Variants in ZNF462 observed in about 807,000 individuals in gnomAD.
ZNF462 encodes zinc finger protein 462, also known as zinc finger PBX1-interacting protein.
ZNF462 carries 10 observed loss-of-function variants against 201.9 expected under a neutral mutation model. The observed-to-expected ratio is 0.05, with a 90% CI of 0.03 to 0.08. The LOEUF (loss-of-function observed/expected upper bound fraction) is 0.08, where lower values mean the gene tolerates loss of function less well. Among genes scored for constraint, ZNF462 ranks in the 10% least tolerant of loss-of-function variants. The pLI is 1.00. For missense variants in ZNF462, 2,523 were observed against 3,168.3 expected (o/e 0.80, Z 4.89); for synonymous variants, 1,227 against 1,193.3 (o/e 1.03, Z -0.58).
At chr9:106,884,055 A>C (rs1828214010) in intron 1 of ZNF462, among the ~76,000 whole-genome samples, 1 of 152,218 alleles carries the variant, frequency 6.6e-6, no homozygotes, top group South Asian at 2.1e-4. Flanking sequence ...TTTCTAAATC[A>C]CCATAAACTT....
In ZNF462 at chr9:106,930,403, C is replaced by T. The variant is rs1401387546; in HGVS notation, c.5848-122C>T. Reference sequence around the variant, plus strand: ...GTTATATAAAAATACTCGCCTATATCTCCCTTGGTTTTTAACCTGCTAATC... The same window carrying T: ...GTTATATAAAAATACTCGCCTATATTTCCCTTGGTTTTTAACCTGCTAATC... On this transcript the variant is annotated intron_variant, in intron 3 of 12. Coordinates refer to ENST00000277225, the MANE Select transcript of ZNF462 (RefSeq NM_021224.6). The surrounding 1 kb of genome is among the most constrained non-coding windows in gnomAD (Gnocchi z 5.8). 3.1e-6 allele frequency: 4 copies of T among 1,274,778 alleles called. No homozygotes were observed. The African/African-American group carries it at 6.0e-5, about 19-fold the overall frequency. The allele number at this position is 1,274,778 out of a possible 1,614,324, so 79.0% of individuals were successfully genotyped here. A position where few individuals can be genotyped will look rare whatever the true frequency, so the allele number is the denominator to read the frequency against.
At chr9:106,945,196 A>G (rs1319812611) in intron 7 of ZNF462, among the ~76,000 whole-genome samples, 1 of 152,198 alleles carries the variant, frequency 6.6e-6, no homozygotes, top group African/African-American at 2.4e-5. Context: ...TTAGATTCAT[A>G]TATGAAATGT....
intron 7 of ZNF462, among the ~76,000 whole-genome samples, chr9:106,959,411 C>T (rs982393612): frequency 1.3e-5 from 2 of 152,108 alleles, no homozygotes; most frequent in Admixed American, 1.3e-4. Context: ...TCCATAAACA[C>T]TTACTTGGTG....
In ZNF462 at chr9:106,866,928, T is replaced by C. The variant is rs537217175; in HGVS notation, c.-31+3573T>C. On this transcript the variant is annotated intron_variant, in intron 1 of 12. Coordinates refer to ENST00000277225, the MANE Select transcript of ZNF462 (RefSeq NM_021224.6). ...TTCATGATATCTTTTTTTATTGTTA[T>C]TGATAGCAGGACAATTGGTTCATTT... Among the ~76,000 whole-genome samples, 5 of 152,348 alleles carry C rather than the reference T, an allele frequency of 3.3e-5. 1 individual carries two copies. Among genetic ancestry groups the C allele is most frequent in the African/African-American group, 9.6e-5 (4 of 41,590 alleles).
In ZNF462 at chr9:106,930,355, C is replaced by T. The variant is rs914469706; in HGVS notation, c.5848-170C>T. ...TTCAAAGACTTTGCATAGTAGGCAG[C>T]GTGCCATGATGCTGACAAATTTGTT... On this transcript the variant is annotated intron_variant, in intron 3 of 12. Transcript: ENST00000277225. This position sits in a 1 kb window ranked among gnomAD's most constrained non-coding sequence, Gnocchi z 5.8. Among the ~76,000 whole-genome samples, 5 of 152,158 alleles carry T rather than the reference C, an allele frequency of 3.3e-5. No homozygotes were observed. Among genetic ancestry groups the T allele is most frequent in the African/African-American group, 9.7e-5 (4 of 41,426 alleles).
Position 107,011,508 on chromosome 9 carries a change from GA to G in ZNF462, c.*482del, listed in dbSNP as rs990268313. ...AAAAAAAAACAAAAAACAAAAAACA[GA>G]AAACAAAAAAAAAAAAACTGCTTTG... On this transcript the variant is annotated 3_prime_UTR_variant, in exon 13 of 13. Transcript: ENST00000277225. The surrounding 1 kb of genome is among the most constrained non-coding windows in gnomAD (Gnocchi z 5.6). 26 of 142,590 alleles carry G rather than the reference GA, an allele frequency of 1.8e-4. No homozygotes were observed. Among genetic ancestry groups the G allele is most frequent in the African/African-American group, 7.0e-4 (25 of 35,758 alleles). 8.8% of individuals were successfully genotyped at this position (142,590 alleles called of 1,614,324 possible). A position where few individuals can be genotyped will look rare whatever the true frequency, so the allele number is the denominator to read the frequency against.
intron 7 of ZNF462, among the ~76,000 whole-genome samples, chr9:106,955,315 G>T (rs1375802881): frequency 6.6e-6 from 1 of 152,104 alleles, no homozygotes; most frequent in African/African-American, 2.4e-5. Flanking sequence ...TAAAAGTCAT[G>T]TTTACACTAT....
intron 9 of ZNF462, chr9:106,975,806 C>G (rs561232834): frequency 6.6e-6 from 1 of 152,318 alleles, no homozygotes; most frequent in East Asian, 1.9e-4. Context: ...TGATGCCTAA[C>G]AAGCTCAATG....
rs574660015 is a variant in ZNF462, at chr9:106,999,951, C to T, written c.7057-3343C>T. Among the ~76,000 whole-genome samples the T allele has an allele frequency of 3.9e-5, 6 of 152,130 alleles. No homozygotes were observed. In the East Asian group the frequency reaches 7.8e-4, roughly 20 times the overall value. The stretch of plus-strand genomic sequence containing the variant: ...GTAGTTGGACTGGGGAGGGGCAGGC[C>T]ATAAACAATTCATTACTGAATGGGG... On this transcript the variant is annotated intron_variant, in intron 10 of 12. Transcript: ENST00000277225.
intron 10 of ZNF462, among the ~76,000 whole-genome samples, chr9:106,989,643 G>A (rs1828115554): frequency 6.6e-6 from 1 of 152,032 alleles, no homozygotes; most frequent in African/African-American, 2.4e-5. Context: ...AATTCTGGTA[G>A]AATTCTGCTG....
chr9:106,884,566 C>T (rs1367589010), intron 1 of ZNF462, among the ~76,000 whole-genome samples: 1 of 152,070 alleles, frequency 6.6e-6, no homozygotes, highest in Non-Finnish European at 1.5e-5. Flanking sequence ...TCCCCTTCCT[C>T]CCACCATGGA....
At chr9:106,884,376 G>T (rs866953533) in intron 1 of ZNF462, among the ~76,000 whole-genome samples, 1 of 152,164 alleles carries the variant, frequency 6.6e-6, no homozygotes, top group South Asian at 2.1e-4. Flanking sequence ...TTGAGCTATG[G>T]AATAGGCTTT....
intron 1 of ZNF462, among the ~76,000 whole-genome samples, chr9:106,866,057 G>T (rs1827316430): frequency 1.3e-5 from 2 of 152,182 alleles, no homozygotes; most frequent in African/African-American, 4.8e-5. Context: ...GGTGAGGAGG[G>T]CTCCACGGTG....
rs1830127948 is a variant in ZNF462, at chr9:106,924,888, A to C, written c.976A>C (p.Asn326His). Residue 326 changes from asparagine (N) to histidine (H), a missense_variant, in exon 3 of 13, where the codon AAC becomes CAC. Asn to His is a moderately conservative substitution (Grantham distance 68). Transcript: ENST00000277225. The surrounding 1 kb of genome is among the most constrained non-coding windows in gnomAD (Gnocchi z 6.2). ...CTCCAACTTCAGGGGCTCCATGGGC[A>C]ACTCCATCATGAGACCCAATTCTTC... is the stretch of plus-strand genomic sequence containing the variant. ...TVSNFRGSMG[N>H]SIMRPNSSAS... is the part of the protein sequence containing the mutation. The C allele has an allele frequency of 6.2e-7, 1 of 1,614,090 alleles. No individual in the cohort carries two copies. Among genetic ancestry groups the C allele is most frequent in the African/African-American group, 1.3e-5 (1 of 74,922 alleles).
chr9:106,904,978 G>C (rs923168251), intron 1 of ZNF462, among the ~76,000 whole-genome samples: 5 of 151,874 alleles, frequency 3.3e-5, no homozygotes, highest in Admixed American at 6.6e-5. Context: ...ATTTTTTTGT[G>C]GGGGGGTGTT....
chr9:106,931,682 A>C (rs543165464), intron 4 of ZNF462, among the ~76,000 whole-genome samples: 2 of 152,300 alleles, frequency 1.3e-5, no homozygotes, highest in East Asian at 3.9e-4. Flanking sequence ...CAGTAACCCA[A>C]GGAGCTATCT....
chr9:106,937,172 C>T (rs996877412), intron 6 of ZNF462, among the ~76,000 whole-genome samples: 1 of 152,072 alleles, frequency 6.6e-6, no homozygotes, highest in Admixed American at 6.5e-5. Context: ...TCGTGCAACT[C>T]ACAGCCACCA....
rs773917122 is a variant in ZNF462 at position 106,864,039 on chromosome 9, GCTCTCTCTCTCTCTCTCTCTCTCTCTCT to G, written c.-31+728_-31+755del. On this transcript the variant is annotated intron_variant, in intron 1 of 12. Transcript: ENST00000277225. ...AGCCCCCCTCTTCCTCAGGTATTTG[GCTCTCTCTCTCTCTCTCTCTCTCTCTCT>G]CTCTCTCTCTCTCTCTCTCTCTCTC... 4.9e-3 allele frequency among the ~76,000 whole-genome samples: 111 copies of G among 22,758 alleles called. 2 individuals carry two copies. Among genetic ancestry groups the G allele is most frequent in the African/African-American group, 0.01 (82 of 8,100 alleles). The allele number at this position is 22,758 out of a possible 152,430, so 14.9% of individuals were successfully genotyped here.
chr9:106,900,388 G>A (rs1030958948), intron 1 of ZNF462, among the ~76,000 whole-genome samples: 1 of 151,944 alleles, frequency 6.6e-6, no homozygotes, highest in Non-Finnish European at 1.5e-5. Context: ...ATTTCCTCTG[G>A]GTAGATACCC....
Sources: gnomAD v4.1 joint callset for allele counts (sites outside exome capture counted in the v4.1 genomes callset) on GRCh38, gnomAD v4.1.1 for gene constraint, Gnocchi (gnomAD v3.1) non-coding constraint, MANE v1.5 for transcripts, NCBI Gene and HGNC (gene_info 2026-07-23, HGNC 2026-07-21) for gene names.